The following ADAM29 variants were observed in gnomAD, a reference collection of about 807,000 sequenced individuals.
The protein encoded by ADAM29 is ADAM metallopeptidase domain 29, also known as disintegrin and metalloproteinase domain-containing protein 29.
For missense variants in ADAM29, 969 were observed against 1,001.8 expected (o/e 0.97, Z 0.44); for synonymous variants, 367 against 342.3 (o/e 1.07, Z -0.80).
Position 174,957,937 on chromosome 4 carries a change from C to T in ADAM29, c.-180-17409C>T, listed in dbSNP as rs1395160564. 3.2e-4 allele frequency among the ~76,000 whole-genome samples: 49 copies of T among 151,802 alleles called. 1 individual carries two copies. The highest frequency in any genetic ancestry group is 3.2e-3 in the Admixed American group (49 of 15,220). ...GCTTTTGATCTTACAAGATTCACTGCTCATGGATCACAGCTTTGCCAGTAT... is the reference window on the plus strand; with the variant it reads ...GCTTTTGATCTTACAAGATTCACTGTTCATGGATCACAGCTTTGCCAGTAT... On this transcript the variant is annotated intron_variant, in intron 4 of 4. Transcript: ENST00000359240.
At chr4:174,922,980 G>A (rs762618329) in intron 2 of ADAM29, among the ~76,000 whole-genome samples, 10 of 151,946 alleles carry the variant, frequency 6.6e-5, no homozygotes, top group Non-Finnish European at 1.2e-4. Context: ...CAAAACCAAG[G>A]AAACACATAT....
intron 4 of ADAM29, among the ~76,000 whole-genome samples, chr4:174,954,734 T>C (rs1442670167): frequency 2.0e-5 from 3 of 152,114 alleles, no homozygotes; most frequent in Non-Finnish European, 4.4e-5. Context: ...GTAATTAAGA[T>C]TGGATCTGTA....
In ADAM29 at chr4:174,976,237, G is replaced by A. The variant is rs148389603; in HGVS notation, c.712G>A (p.Val238Ile). ...TAATATAGTGGATTCCATTTTGGATGTCATTGGTGTTAAGGTGTTATTATT... is the reference window on the plus strand; with the variant it reads ...TAATATAGTGGATTCCATTTTGGATATCATTGGTGTTAAGGTGTTATTATT... The part of the protein sequence containing the change: ...IVNIVDSILD[V>I]IGVKVLLFGL... The change falls in exon 5 of 5, where the codon GTC (valine) becomes ATC (isoleucine). Residue 238 changes from valine (V) to isoleucine (I), a missense_variant. Coordinates refer to ENST00000359240, the MANE Select transcript of ADAM29 (RefSeq NM_014269.4). 6.2e-7 allele frequency: 1 copy of A among 1,604,904 alleles called. No homozygotes were observed. Among genetic ancestry groups the A allele is most frequent in the Admixed American group, 1.7e-5 (1 of 57,960 alleles).
At chr4:174,952,149 T>C (rs975372382) in intron 4 of ADAM29, among the ~76,000 whole-genome samples, 9 of 152,134 alleles carry the variant, frequency 5.9e-5, no homozygotes, top group Admixed American at 3.9e-4. Context: ...TTTTAATGTA[T>C]TAATTAAAAA....
chr4:174,950,865 T>C (rs1745127833), intron 4 of ADAM29, among the ~76,000 whole-genome samples: 1 of 152,104 alleles, frequency 6.6e-6, no homozygotes, highest in South Asian at 2.1e-4. Context: ...TTGGAAAGTG[T>C]GTGGCACTTT....
intron 4 of ADAM29, among the ~76,000 whole-genome samples, chr4:174,964,426 C>T (rs10002932): frequency 0.018 from 2,810 of 152,134 alleles, 98 homozygotes; most frequent in African/African-American, 0.064. Flanking sequence ...TTGTTTAGGC[C>T]ACTCAGTCTG....
At chr4:174,950,880 TTC>T (rs945376160) in intron 4 of ADAM29, among the ~76,000 whole-genome samples, 27 of 152,098 alleles carry the variant, frequency 1.8e-4, no homozygotes, top group African/African-American at 6.3e-4. Flanking sequence ...CACTTTCCCC[TTC>T]TCTCTTTCTC....
At chr4:174,970,842 T>C (rs1192778054) in intron 4 of ADAM29, among the ~76,000 whole-genome samples, 1 of 152,166 alleles carries the variant, frequency 6.6e-6, no homozygotes, top group Non-Finnish European at 1.5e-5. Flanking sequence ...CCTCTTTCAT[T>C]TCTGATATTG....
chr4:174,976,243 G>A lies in ADAM29; in HGVS notation c.718G>A (p.Gly240Ser), dbSNP rs1186946133. ...NIVDSILDVI[G>S]VKVLLFGLEI... is the part of the protein sequence containing the mutation. ...AGTGGATTCCATTTTGGATGTCATT[G>A]GTGTTAAGGTGTTATTATTTGGTTT... Residue 240 changes from glycine to serine, a missense_variant, in exon 5 of 5, where the codon GGT becomes AGT. Gly to Ser is a moderately conservative substitution (Grantham distance 56, BLOSUM62 0). Coordinates refer to ENST00000359240, the MANE Select transcript of ADAM29 (RefSeq NM_014269.4). 23 of 1,603,968 alleles carry A rather than the reference G, an allele frequency of 1.4e-5. No individual in the cohort carries two copies. Among genetic ancestry groups the A allele is most frequent in the Non-Finnish European group, 1.8e-5 (21 of 1,176,936 alleles).
chr4:174,959,586 A>G (rs746556708), intron 4 of ADAM29, among the ~76,000 whole-genome samples: 7 of 151,160 alleles, frequency 4.6e-5, no homozygotes, highest in Non-Finnish European at 7.4e-5. Context: ...TGTAAAGTTC[A>G]TGGCCATTTT....
chr4:174,945,409 C>T (rs998084373), intron 4 of ADAM29, among the ~76,000 whole-genome samples: 10 of 151,996 alleles, frequency 6.6e-5, no homozygotes, highest in Middle Eastern at 6.3e-3. Flanking sequence ...TTGTCAGATG[C>T]ATAGTTTGCA....
At chr4:174,953,774 C>T (rs1228531608) in intron 4 of ADAM29, among the ~76,000 whole-genome samples, 3 of 151,978 alleles carry the variant, frequency 2.0e-5, no homozygotes, top group Admixed American at 6.6e-5. Context: ...GCCATGATGC[C>T]ATCTCGGCTG....
rs147386884 is a variant in ADAM29 at position 174,976,523 on chromosome 4, A to G, written c.998A>G (p.His333Arg). Residue 333 changes from histidine (H) to arginine (R), a missense_variant, in exon 5 of 5, where the codon CAT (histidine) becomes CGT (arginine). By Grantham distance (29) the His-to-Arg change is conservative. Coordinates refer to ENST00000359240, the MANE Select transcript of ADAM29 (RefSeq NM_014269.4). ...ACTTTTTCAATTGCAGTGGCTCATCATCTAGGTCATAATTTGGGCATGAAC... is the reference window on the plus strand; with the variant it reads ...ACTTTTTCAATTGCAGTGGCTCATCGTCTAGGTCATAATTTGGGCATGAAC... The part of the protein sequence containing the change: ...LGTFSIAVAH[H>R]LGHNLGMNHD... The G allele has an allele frequency of 1.9e-6, 3 of 1,608,838 alleles. No homozygotes were observed. Among genetic ancestry groups the G allele is most frequent in the Non-Finnish European group, 2.5e-6 (3 of 1,177,798 alleles).
rs777470655 is a variant in ADAM29, at chr4:174,977,974, G to A, written c.2449G>A (p.Val817Met). 6.3e-7 allele frequency: 1 copy of A among 1,592,254 alleles called. No homozygotes were observed. The highest frequency in any genetic ancestry group is 1.7e-5 in the Admixed American group (1 of 58,496). The change falls in exon 5 of 5, where the codon GTG becomes ATG. Residue 817 changes from valine (V) to methionine (M), a missense_variant. Physicochemically the swap from Val to Met is conservative, Grantham distance 21 (BLOSUM62 1). Coordinates refer to ENST00000359240, the MANE Select transcript of ADAM29 (RefSeq NM_014269.4). ...GATGCCTTCCCAGAGTCAACCTCCTGTGACGCCCTCCTAGAGCCAACCTCA... is the reference window on the plus strand; with the variant it reads ...GATGCCTTCCCAGAGTCAACCTCCTATGACGCCCTCCTAGAGCCAACCTCA... Reference protein sequence around the residue: ...QLMPSQSQPPVTPS With the variant: ...QLMPSQSQPPMTPS
At chr4:174,956,161 A>G (rs1318692710) in intron 4 of ADAM29, among the ~76,000 whole-genome samples, 1 of 152,040 alleles carries the variant, frequency 6.6e-6, no homozygotes, top group South Asian at 2.1e-4. Context: ...GCTTTCTTCC[A>G]TCTCCTCCTC....
At chr4:174,923,058 T>A (rs958169132) in intron 2 of ADAM29, among the ~76,000 whole-genome samples, 4 of 150,086 alleles carry the variant, frequency 2.7e-5, no homozygotes, top group Non-Finnish European at 4.4e-5. Context: ...CATTAATTAA[T>A]TATTATTATT....
At chr4:174,946,703 T>A (rs1368185575) in intron 4 of ADAM29, among the ~76,000 whole-genome samples, 1 of 152,060 alleles carries the variant, frequency 6.6e-6, no homozygotes, top group Non-Finnish European at 1.5e-5. Flanking sequence ...TGGCCTGAAG[T>A]TTTCTTTTTT....
At chr4:174,963,915 T>A (rs924253454) in intron 4 of ADAM29, among the ~76,000 whole-genome samples, 1 of 152,074 alleles carries the variant, frequency 6.6e-6, no homozygotes, top group African/African-American at 2.4e-5. Context: ...GTGATCTGCC[T>A]GCCTCAACCT....
chr4:174,935,675 C>G (rs1744163511), intron 3 of ADAM29, among the ~76,000 whole-genome samples: 1 of 151,932 alleles, frequency 6.6e-6, no homozygotes, highest in Non-Finnish European at 1.5e-5. Context: ...CAATAGATTC[C>G]CAGTGCTGCA....
Sources: gnomAD v4.1 joint callset for allele counts (sites outside exome capture counted in the v4.1 genomes callset) on GRCh38, gnomAD v4.1.1 for gene constraint, MANE v1.5 for transcripts, NCBI Gene and HGNC (gene_info 2026-07-23, HGNC 2026-07-21) for gene names.